TSHZ2: variants seen among roughly 807,000 people sequenced by gnomAD.
The protein encoded by TSHZ2 is teashirt zinc finger homeobox 2.
TSHZ2 carries 21 observed loss-of-function variants against 74.4 expected under a neutral mutation model. The ratio of observed to expected loss-of-function variants is 0.28; its 90% CI spans 0.20 to 0.41. The LOEUF (loss-of-function observed/expected upper bound fraction) is 0.41. Ranked by LOEUF, TSHZ2 falls within the 10% of genes least tolerant of loss-of-function variation. The pLI, the probability that TSHZ2 is intolerant of heterozygous loss-of-function variation, is 1.00. For missense variants in TSHZ2, 1,244 were observed against 1,293.5 expected (o/e 0.96, Z 0.59); for synonymous variants, 540 against 515.3 (o/e 1.05, Z -0.65).
At chr20:53,346,441 G>A (rs577848360) in intron 2 of TSHZ2, among the ~76,000 whole-genome samples, 2 of 152,288 alleles carry the variant, frequency 1.3e-5, no homozygotes, top group Admixed American at 6.5e-5. Context: ...TTCCAGAGAC[G>A]GCTTGTCTGA....
chr20:53,454,677 C>T (rs1984977902), intron 2 of TSHZ2, among the ~76,000 whole-genome samples: 1 of 152,194 alleles, frequency 6.6e-6, no homozygotes, highest in Non-Finnish European at 1.5e-5. Context: ...CTCCCTCTCC[C>T]CTTTCTCAAA....
At chr20:53,162,770 TCTAA>T (rs944059612) in intron 1 of TSHZ2, among the ~76,000 whole-genome samples, 16 of 152,152 alleles carry the variant, frequency 1.1e-4, no homozygotes, top group African/African-American at 2.7e-4. Flanking sequence ...CCTTGCACAT[TCTAA>T]CTATTAACTG....
chr20:53,296,778 C>A (rs1364744014), intron 2 of TSHZ2, among the ~76,000 whole-genome samples: 2 of 152,168 alleles, frequency 1.3e-5, no homozygotes, highest in African/African-American at 2.4e-5. Flanking sequence ...TTTGCATAGT[C>A]ACTCATATTT....
Position 53,256,135 on chromosome 20 carries a change from A to G in TSHZ2, c.2677A>G (p.Met893Val). 3.7e-6 allele frequency: 6 copies of G among 1,613,992 alleles called. No individual in the cohort carries two copies. Among genetic ancestry groups the G allele is most frequent in the South Asian group, 2.2e-5 (2 of 91,054 alleles). Residue 893 changes from methionine (M) to valine (V), a missense_variant, in exon 2 of 3, where the codon ATG becomes GTG. Met to Val is a conservative substitution (Grantham distance 21). Around this residue, in one of 6 missense-constraint regions of TSHZ2, gnomAD observed 185 missense variants for 213.3 expected, o/e 0.87. Coordinates refer to ENST00000371497, the MANE Select transcript of TSHZ2 (RefSeq NM_173485.6). This position sits in a 1 kb window ranked among gnomAD's most constrained non-coding sequence, Gnocchi z 4.3. Reference protein sequence around the residue: ...MQISKFTGLSMTTISHWLANV... With the variant: ...MQISKFTGLSVTTISHWLANV... ...AATCTCTAAGTTTACGGGACTCTCA[A>G]TGACCACTATCAGTCACTGGCTGGC... is the stretch of plus-strand genomic sequence containing the variant.
At chr20:53,007,458 T>G (rs982064046) in intron 1 of TSHZ2, among the ~76,000 whole-genome samples, 4 of 152,174 alleles carry the variant, frequency 2.6e-5, no homozygotes, top group African/African-American at 9.7e-5. Context: ...TATAGGCCTT[T>G]CAAAGTGAAA....
intron 2 of TSHZ2, among the ~76,000 whole-genome samples, chr20:53,369,795 A>C (rs1568888154): frequency 6.6e-6 from 1 of 152,176 alleles, no homozygotes; most frequent in Non-Finnish European, 1.5e-5. Context: ...GATGAGGGAG[A>C]GTAGAAGAAA....
At chr20:53,458,553 A>G (rs948741478) in intron 2 of TSHZ2, among the ~76,000 whole-genome samples, 17 of 151,634 alleles carry the variant, frequency 1.1e-4, no homozygotes, top group Admixed American at 1.1e-3. Context: ...TTGTGTCTCT[A>G]TTATTTCCTT....
chr20:53,301,779 T>A (rs924844878), intron 2 of TSHZ2, among the ~76,000 whole-genome samples: 15 of 152,136 alleles, frequency 9.9e-5, no homozygotes, highest in African/African-American at 3.6e-4. Context: ...AACTTTCAGG[T>A]TTTTAAAAAA....
At chr20:53,374,561 C>A (rs1381595514) in intron 2 of TSHZ2, among the ~76,000 whole-genome samples, 7 of 152,166 alleles carry the variant, frequency 4.6e-5, no homozygotes, top group African/African-American at 1.7e-4. Context: ...TTTGAGAAAT[C>A]TCCAAACTGC....
chr20:53,215,440 G>A (rs1989413273), intron 1 of TSHZ2, among the ~76,000 whole-genome samples: 1 of 151,710 alleles, frequency 6.6e-6, no homozygotes, highest in Non-Finnish European at 1.5e-5. Context: ...GAGGTTGAGT[G>A]GCTTTTGCCA....
intron 2 of TSHZ2, among the ~76,000 whole-genome samples, chr20:53,410,079 T>C (rs1474111829): frequency 1.3e-5 from 2 of 152,034 alleles, no homozygotes; most frequent in Non-Finnish European, 2.9e-5. Flanking sequence ...ACTCCTGACC[T>C]CAGGTGATCC....
rs764625119 is a variant in TSHZ2 at position 53,253,663 on chromosome 20, T to A, written c.205T>A (p.Ser69Thr). 1 of 1,614,034 alleles carries A rather than the reference T, an allele frequency of 6.2e-7. No homozygotes were observed. Among genetic ancestry groups the A allele is most frequent in the Admixed American group, 1.7e-5 (1 of 60,010 alleles). Residue 69 changes from serine (S) to threonine (T), a missense_variant, in exon 2 of 3, where the codon TCT becomes ACT. This residue lies in a region of TSHZ2 where 470 missense variants were observed against 456.5 expected (regional missense o/e 1.03). Transcript: ENST00000371497. ...AAAAGGCTGCTTCAGCTACCAGAACTCTCCAGGAAGTCATTTGTCCAATCA... is the reference window on the plus strand; with the variant it reads ...AAAAGGCTGCTTCAGCTACCAGAACACTCCAGGAAGTCATTTGTCCAATCA... Reference protein sequence around the residue: ...EQKGCFSYQNSPGSHLSNQDA... With the variant: ...EQKGCFSYQNTPGSHLSNQDA...
chr20:53,462,402 G>A (rs1248654955), intron 2 of TSHZ2, among the ~76,000 whole-genome samples: 3 of 152,172 alleles, frequency 2.0e-5, no homozygotes, highest in African/African-American at 7.2e-5. Context: ...GGGGCTTAGG[G>A]CTTCAATGTA....
chr20:53,286,537 G>A (rs1364296924), intron 2 of TSHZ2, among the ~76,000 whole-genome samples: 1 of 152,034 alleles, frequency 6.6e-6, no homozygotes, highest in African/African-American at 2.4e-5. Flanking sequence ...GGCAGAAATA[G>A]CCGGCTTCTC....
chr20:53,398,746 C>A (rs1031341154), intron 2 of TSHZ2: 1 of 152,174 alleles, frequency 6.6e-6, no homozygotes, highest in African/African-American at 2.4e-5. Context: ...AAGTGAGACC[C>A]TGTCTCAAAA....
At chr20:53,473,165 G>T (rs1468922926) in intron 2 of TSHZ2, among the ~76,000 whole-genome samples, 2 of 146,708 alleles carry the variant, frequency 1.4e-5, no homozygotes, top group Admixed American at 6.8e-5. Context: ...ACAGCTCAAG[G>T]AGTCCTGCCT....
intron 1 of TSHZ2, among the ~76,000 whole-genome samples, chr20:53,014,007 T>G (rs1294259012): frequency 1.3e-5 from 2 of 152,158 alleles, no homozygotes; most frequent in African/African-American, 2.4e-5. Flanking sequence ...AAATGAGCAG[T>G]GAGTGTGTAT....
intron 1 of TSHZ2, among the ~76,000 whole-genome samples, chr20:53,239,644 T>G (rs1003241603): frequency 3.3e-5 from 5 of 152,170 alleles, no homozygotes; most frequent in Non-Finnish European, 7.4e-5. Flanking sequence ...ATGGATTTGG[T>G]GCTTAACTGC....
At chr20:53,324,274 A>T (rs998716782) in intron 2 of TSHZ2, among the ~76,000 whole-genome samples, 3 of 152,234 alleles carry the variant, frequency 2.0e-5, no homozygotes, top group African/African-American at 7.2e-5. Context: ...CACTGGGCAC[A>T]GCACTCATGG....
Sources: allele counts gnomAD v4.1 joint callset (sites outside exome capture counted in the v4.1 genomes callset), GRCh38; gene constraint gnomAD v4.1.1; regional missense constraint gnomAD v4.1.1; non-coding constraint Gnocchi (gnomAD v3.1); transcripts MANE v1.5; gene names NCBI Gene and HGNC (gene_info 2026-07-23, HGNC 2026-07-21).